NFIB: variants seen among roughly 807,000 people sequenced by gnomAD.
The protein encoded by NFIB is nuclear factor I B.
In NFIB, 11 loss-of-function variants were observed where a neutral mutation model predicts 61.5. The ratio of observed to expected loss-of-function variants is 0.18; its 90% CI spans 0.11 to 0.30. The LOEUF (loss-of-function observed/expected upper bound fraction) is 0.30. Ranked by LOEUF, NFIB falls within the 10% of genes least tolerant of loss-of-function variation. The probability of loss-of-function intolerance (pLI) is 1.00; values close to 1 mark genes in which losing one functional copy is unlikely to be tolerated. For synonymous variants in NFIB, 260 were observed against 216.5 expected (o/e 1.20, Z -1.76); for missense variants, 471 against 608.9 (o/e 0.77, Z 2.38).
At chr9:14,295,742 T>C (rs1329842191) in intron 2 of NFIB, among the ~76,000 whole-genome samples, 1 of 151,894 alleles carries the variant, frequency 6.6e-6, no homozygotes, top group Non-Finnish European at 1.5e-5. Context: ...TCCCAAATGG[T>C]GGCAATTTAA....
intron 2 of NFIB, among the ~76,000 whole-genome samples, chr9:14,282,695 T>C (rs1412536126): frequency 2.0e-5 from 3 of 152,222 alleles, no homozygotes; most frequent in South Asian, 4.1e-4. Flanking sequence ...TTGTCCTTTT[T>C]ACAGATCAGG....
chr9:14,154,724 T>A (rs1011414470), intron 4 of NFIB, among the ~76,000 whole-genome samples: 1 of 152,158 alleles, frequency 6.6e-6, no homozygotes, highest in Non-Finnish European at 1.5e-5. Context: ...CTACTTAAGA[T>A]CTTAAACGTT....
At chr9:14,265,147 G>T (rs911942685) in intron 2 of NFIB, among the ~76,000 whole-genome samples, 31 of 152,156 alleles carry the variant, frequency 2.0e-4, no homozygotes, top group African/African-American at 7.5e-4. Context: ...AGGATTTGGA[G>T]AAAAGGTTGT....
chr9:14,187,065 G>GTGTGTA lies in NFIB; in HGVS notation c.563-7286_563-7285insTACACA, dbSNP rs1554666428. ...TGTGTGTGTGTGTGTGTGTGTGTGT[G>GTGTGTA]TGTGTGTGCCTGTGTCTCCCTTTAT... On this transcript the variant is annotated intron_variant, in intron 2 of 10. Coordinates refer to ENST00000380953, the MANE Select transcript of NFIB (RefSeq NM_001190737.2). Among the ~76,000 whole-genome samples the GTGTGTA allele has an allele frequency of 6.2e-4, 81 of 130,922 alleles. 1 individual carries two copies. Among genetic ancestry groups the GTGTGTA allele is most frequent in the African/African-American group, 1.0e-3 (36 of 35,248 alleles). The allele number at this position is 130,922 out of a possible 152,430, so 85.9% of individuals were successfully genotyped here. A position where few individuals can be genotyped will look rare whatever the true frequency, so the allele number is the denominator to read the frequency against.
chr9:14,415,342 T>C, the NFIB span, among the ~76,000 whole-genome samples: 662 of 152,300 alleles, frequency 4.3e-3, 3 homozygotes, highest in African/African-American at 0.015. Flanking sequence ...CAAAGTCTTG[T>C]ATACGAGGCA....
intron 2 of NFIB, among the ~76,000 whole-genome samples, chr9:14,219,381 T>TAAGAAAA (rs2051351440): frequency 1.4e-5 from 1 of 73,504 alleles, no homozygotes; most frequent in South Asian, 6.5e-4. Context: ...AGCACTAGGG[T>TAAGAAAA]AAAAAAAAAA....
At chr9:14,095,957 A>T (rs2034713507) in intron 10 of NFIB, among the ~76,000 whole-genome samples, 3 of 152,158 alleles carry the variant, frequency 2.0e-5, no homozygotes, top group African/African-American at 7.2e-5. Flanking sequence ...TTCTTCAATT[A>T]CTTGACCTTA....
At chr9:14,229,339 G>A (rs2052830571) in intron 2 of NFIB, among the ~76,000 whole-genome samples, 1 of 152,110 alleles carries the variant, frequency 6.6e-6, no homozygotes, top group Non-Finnish European at 1.5e-5. Context: ...CAGGAATTCT[G>A]AGTCTAAAGA....
At chr9:14,530,404 AAGAGAGAGGG>A in the NFIB span, among the ~76,000 whole-genome samples, 26 of 141,628 alleles carry the variant, frequency 1.8e-4, no homozygotes, top group East Asian at 2.2e-3. Flanking sequence ...GGTGAGGGGA[AAGAGAGAGGG>A]AGAGAGAGAG....
intron 6 of NFIB, among the ~76,000 whole-genome samples, chr9:14,135,108 T>C (rs1248285178): frequency 2.6e-5 from 4 of 152,124 alleles, no homozygotes; most frequent in Non-Finnish European, 5.9e-5. Context: ...AGAAGTTATC[T>C]TTATGTGATG....
chr9:14,140,861 G>T (rs186260299), intron 6 of NFIB, among the ~76,000 whole-genome samples: 90 of 152,274 alleles, frequency 5.9e-4, no homozygotes, highest in Middle Eastern at 3.4e-3. Context: ...TTGAACCTGG[G>T]GGGGTCAGGG....
intron 2 of NFIB, among the ~76,000 whole-genome samples, chr9:14,292,607 A>G (rs2059176791): frequency 2.0e-5 from 3 of 152,210 alleles, no homozygotes; most frequent in African/African-American, 7.2e-5. Context: ...CTTCCCTGAC[A>G]GATACAGAAA....
chr9:14,344,071 T>C (rs1588339552), intron 1 of NFIB, among the ~76,000 whole-genome samples: 1 of 149,540 alleles, frequency 6.7e-6, no homozygotes, highest in African/African-American at 2.5e-5. Flanking sequence ...TATGCTAATA[T>C]GCTGAGGACC....
chr9:14,225,543 G>T, intron 2 of NFIB, among the ~76,000 whole-genome samples: 1 of 151,364 alleles, frequency 6.6e-6, no homozygotes, highest in East Asian at 1.9e-4. Flanking sequence ...GTGCTGAAAT[G>T]AAGTGATGGA....
At chr9:14,425,168 A>G in the NFIB span, among the ~76,000 whole-genome samples, 1 of 152,202 alleles carries the variant, frequency 6.6e-6, no homozygotes. Context: ...CACACATTCC[A>G]CAGCAGTCAA....
chr9:14,151,684 A>T (rs80071731), intron 4 of NFIB, among the ~76,000 whole-genome samples: 394 of 152,258 alleles, frequency 2.6e-3, no homozygotes, highest in Non-Finnish European at 4.9e-3. Context: ...ACTGCTGCAG[A>T]AGCAAAATCA....
chr9:14,404,912 G>A, the NFIB span, among the ~76,000 whole-genome samples: 2 of 152,192 alleles, frequency 1.3e-5, no homozygotes, highest in Non-Finnish European at 2.9e-5. Context: ...TCACTCATCT[G>A]TTGTTTGGCA....
At chr9:14,260,030 T>C (rs2056602758) in intron 2 of NFIB, among the ~76,000 whole-genome samples, 2 of 152,166 alleles carry the variant, frequency 1.3e-5, no homozygotes, top group Non-Finnish European at 2.9e-5. Context: ...GTGGTACAAG[T>C]TTGCCTTCTG....
At chr9:14,481,313 T>TGCCTAGAG in the NFIB span, among the ~76,000 whole-genome samples, 55 of 147,688 alleles carry the variant, frequency 3.7e-4, no homozygotes, top group Non-Finnish European at 7.6e-4. Context: ...GAGCTCCATG[T>TGCCTAGAG]GCCTAGAGCA....
Sources: gnomAD v4.1 joint callset for allele counts (sites outside exome capture counted in the v4.1 genomes callset) on GRCh38, gnomAD v4.1.1 for gene constraint, MANE v1.5 for transcripts, NCBI Gene and HGNC (gene_info 2026-07-23, HGNC 2026-07-21) for gene names.